Variants in PCDHGA3 observed in about 807,000 individuals in gnomAD.
PCDHGA3 encodes protocadherin gamma-A3.
Under a neutral mutation model 58.5 loss-of-function variants are expected in PCDHGA3, and 40 were observed. That is an observed-to-expected ratio of 0.68 (90% CI 0.53 to 0.89). The LOEUF is 0.89. Ranked by LOEUF, PCDHGA3 falls within the 40% of genes least tolerant of loss-of-function variation. PCDHGA3 has a pLI of 0.00. For missense variants in PCDHGA3, 1,223 were observed against 1,195.9 expected, an observed-to-expected ratio of 1.02 and a Z score of -0.33; for synonymous variants, 530 against 525.7, an observed-to-expected ratio of 1.01 and a Z score of -0.11.
At position 141,344,179 on chromosome 5, in the gene PCDHGA3, C is replaced by G; in HGVS notation, c.146C>G (p.Ala49Gly). Residue 49 changes from alanine to glycine, a missense_variant, in exon 1 of 4, where the codon GCT (alanine) becomes GGT (glycine). Coordinates refer to ENST00000253812, the MANE Select transcript of PCDHGA3 (RefSeq NM_018916.4). ...AAAGGTTCCTTCGTGGGCAACATCG[C>G]TAACGACCTGGGGCTAGAGCCCCGG... is the stretch of plus-strand genomic sequence containing the variant. ...LDKGSFVGNI[A>G]NDLGLEPREL... The G allele has an allele frequency of 6.2e-7, 1 of 1,614,034 alleles. No individual in the cohort carries two copies. Among genetic ancestry groups the G allele is most frequent in the Non-Finnish European group, 8.5e-7 (1 of 1,179,904 alleles).
At chr5:141,371,305 T>A in intron 1 of PCDHGA3, 1 of 1,613,940 alleles carries the variant, frequency 6.2e-7, no homozygotes, top group Non-Finnish European at 8.5e-7. Context: ...CTCACCACTA[T>A]TGGAGAACTG....
At chr5:141,406,650 C>T (rs2094835563) in intron 1 of PCDHGA3, among the ~76,000 whole-genome samples, 1 of 152,130 alleles carries the variant, frequency 6.6e-6, no homozygotes, top group Non-Finnish European at 1.5e-5. Context: ...TTTCCTAATG[C>T]TTTAATGTTA....
chr5:141,400,230 G>A, intron 1 of PCDHGA3: 3 of 1,613,992 alleles, frequency 1.9e-6, no homozygotes, highest in Non-Finnish European at 2.5e-6. Flanking sequence ...TCTTCCTCCT[G>A]GCCGTGATTC....
chr5:141,428,037 C>T, intron 1 of PCDHGA3: 1 of 1,608,458 alleles, frequency 6.2e-7, no homozygotes, highest in South Asian at 1.1e-5. Context: ...GTCCGGCTAC[C>T]TGGTGACCAA....
intron 1 of PCDHGA3, chr5:141,423,253 C>T (rs750278899): frequency 6.2e-7 from 1 of 1,613,916 alleles, no homozygotes; most frequent in Non-Finnish European, 8.5e-7. Flanking sequence ...CCTGGCGGAC[C>T]TCGGCAGCCT....
chr5:141,414,659 T>C lies in PCDHGA3; in HGVS notation c.2424+68202T>C, dbSNP rs566999623. On this transcript the variant is annotated intron_variant, in intron 1 of 3. Coordinates refer to ENST00000253812, the MANE Select transcript of PCDHGA3 (RefSeq NM_018916.4). ...GAGAATGCCCAGATTATTTACTCCC[T>C]GGCTGAAGACACCATCCAGGGGGTA... 21 of 1,614,010 alleles carry C rather than the reference T, an allele frequency of 1.3e-5. No homozygotes were observed. In the South Asian group the frequency reaches 2.2e-4, roughly 17 times the overall value.
rs1413324509 is a variant in PCDHGA3 at position 141,431,464 on chromosome 5, G to T, written c.2425-63343G>T. The T allele has an allele frequency of 6.2e-7, 1 of 1,613,782 alleles. No homozygotes were observed. The highest frequency in any genetic ancestry group is 2.2e-5 in the East Asian group (1 of 44,880). ...GCATCCGCGTGATGGTTCTGGATGC[G>T]AACGACAACGCACCAGCGTTTGCTC... On this transcript the variant is annotated intron_variant, in intron 1 of 3. Transcript: ENST00000253812. This position sits in a 1 kb window ranked among gnomAD's most constrained non-coding sequence, Gnocchi z 4.8.
rs1026815375 is a variant in PCDHGA3, at chr5:141,481,045, G to A, written c.2425-13762G>A. 4.6e-5 allele frequency among the ~76,000 whole-genome samples: 7 copies of A among 152,024 alleles called. No individual in the cohort carries two copies. In the South Asian group the frequency reaches 8.3e-4, roughly 18 times the overall value. ...TGCACTCCAGCCTGGGCGACAGAGCGAGACTCCACCTCAAAAACAAAAAGA... is the reference window on the plus strand; with the variant it reads ...TGCACTCCAGCCTGGGCGACAGAGCAAGACTCCACCTCAAAAACAAAAAGA... On this transcript the variant is annotated intron_variant, in intron 1 of 3. Coordinates refer to ENST00000253812, the MANE Select transcript of PCDHGA3 (RefSeq NM_018916.4).
At chr5:141,461,131 T>G (rs1372557827) in intron 1 of PCDHGA3, among the ~76,000 whole-genome samples, 1 of 152,094 alleles carries the variant, frequency 6.6e-6, no homozygotes, top group Non-Finnish European at 1.5e-5. Flanking sequence ...TATAATTACT[T>G]ATTTTCCTTT....
intron 1 of PCDHGA3, chr5:141,389,021 A>G: frequency 6.2e-7 from 1 of 1,614,004 alleles, no homozygotes; most frequent in Non-Finnish European, 8.5e-7. Context: ...ACAATGGAGA[A>G]GTGACTTGTA....
intron 1 of PCDHGA3, among the ~76,000 whole-genome samples, chr5:141,492,862 G>A (rs2099744602): frequency 6.6e-6 from 1 of 152,198 alleles, no homozygotes. Context: ...GAGCGCCCTG[G>A]CTCTCAACCC....
At position 141,491,578 on chromosome 5, in the gene PCDHGA3, C is replaced by T. The variant is rs1438933474; in HGVS notation, c.2425-3229C>T. 7.4e-6 allele frequency: 12 copies of T among 1,613,888 alleles called. No homozygotes were observed. The highest frequency in any genetic ancestry group is 1.0e-5 in the Non-Finnish European group (12 of 1,180,044). On this transcript the variant is annotated intron_variant, in intron 1 of 3. Coordinates refer to ENST00000253812, the MANE Select transcript of PCDHGA3 (RefSeq NM_018916.4). This position sits in a 1 kb window ranked among gnomAD's most constrained non-coding sequence, Gnocchi z 6.9. ...CCACTGCTACAGGACGTGCTTTTCA[C>T]CGGCCTCGGACGGCAGTGACTTCAC...
In PCDHGA3 at chr5:141,432,006, C is replaced by T. The variant is rs138689793; in HGVS notation, c.2425-62801C>T. Reference sequence around the variant, plus strand: ...ATAGTCTTGGATAGGGAACAGGTTCCTAGCTACAACATCACAGTGACCGCC... The same window carrying T: ...ATAGTCTTGGATAGGGAACAGGTTCTTAGCTACAACATCACAGTGACCGCC... On this transcript the variant is annotated intron_variant, in intron 1 of 3. Transcript: ENST00000253812. This position sits in a 1 kb window ranked among gnomAD's most constrained non-coding sequence, Gnocchi z 6.0. The T allele has an allele frequency of 2.6e-4, 412 of 1,614,186 alleles. 2 individuals carry two copies. The African/African-American group carries it at 4.6e-3, about 18-fold the overall frequency.
chr5:141,378,155 T>C (rs1471483193), intron 1 of PCDHGA3: 1 of 152,258 alleles, frequency 6.6e-6, no homozygotes, highest in Non-Finnish European at 1.5e-5. Flanking sequence ...AATTATTGGG[T>C]TGTTAACAAT....
chr5:141,388,434 G>A (rs767784412), intron 1 of PCDHGA3: 3 of 1,613,878 alleles, frequency 1.9e-6, no homozygotes, highest in Non-Finnish European at 2.5e-6. Flanking sequence ...GATAAATAAA[G>A]AGAAATCAGA....
intron 1 of PCDHGA3, chr5:141,413,285 A>G: frequency 1.9e-6 from 3 of 1,613,892 alleles, no homozygotes; most frequent in Non-Finnish European, 2.5e-6. Flanking sequence ...CAGATCTCCT[A>G]CTCAATTCCT....
intron 1 of PCDHGA3, chr5:141,399,718 C>G (rs770212703): frequency 6.2e-7 from 1 of 1,613,308 alleles, no homozygotes; most frequent in Non-Finnish European, 8.5e-7. Context: ...ACTACAGGCC[C>G]GCGACCAGGG....
At chr5:141,361,453 C>T (rs758759325) in intron 1 of PCDHGA3, 1 of 1,613,928 alleles carries the variant, frequency 6.2e-7, no homozygotes, top group East Asian at 2.2e-5. Context: ...AATTGTCACC[C>T]TGCACATCTC....
At chr5:141,480,240 C>CA (rs11374694) in intron 1 of PCDHGA3, among the ~76,000 whole-genome samples, 21,591 of 113,808 alleles carry the variant, frequency 0.19, 1,578 homozygotes, top group Admixed American at 0.21. Context: ...CCTGTCTCTA[C>CA]AAAAAAAAAA....
Sources: allele counts gnomAD v4.1 joint callset (sites outside exome capture counted in the v4.1 genomes callset), GRCh38; gene constraint gnomAD v4.1.1; non-coding constraint Gnocchi (gnomAD v3.1); transcripts MANE v1.5; gene names NCBI Gene and HGNC (gene_info 2026-07-23, HGNC 2026-07-21).